Variants in TENM3 observed in about 807,000 individuals in gnomAD.
TENM3 encodes the protein teneurin transmembrane protein 3.
In TENM3, 63 loss-of-function variants were observed where a neutral mutation model predicts 255.1. That is an observed-to-expected ratio of 0.25 (90% CI 0.20 to 0.30). The LOEUF (loss-of-function observed/expected upper bound fraction) is 0.30, where lower values mean the gene tolerates loss of function less well. Ranked by LOEUF, TENM3 falls within the 10% of genes least tolerant of loss-of-function variation. TENM3 has a pLI of 1.00. For synonymous variants in TENM3, 1,306 were observed against 1,322.3 expected (o/e 0.99, Z 0.27); for missense variants, 2,929 against 3,461.1 (o/e 0.85, Z 3.86).
chr4:181,589,470 G>T, the TENM3 span, among the ~76,000 whole-genome samples: 3 of 152,076 alleles, frequency 2.0e-5, no homozygotes, highest in East Asian at 3.9e-4. Context: ...AAACAATTGT[G>T]GTTCAAAACA....
At chr4:182,257,809 A>G (rs1347521716) in intron 1 of TENM3, among the ~76,000 whole-genome samples, 2 of 152,204 alleles carry the variant, frequency 1.3e-5, no homozygotes, top group African/African-American at 2.4e-5. Flanking sequence ...TAAAGCCATT[A>G]TATAATAGAA....
chr4:182,399,026 T>C (rs1252247474), intron 3 of TENM3, among the ~76,000 whole-genome samples: 4 of 152,208 alleles, frequency 2.6e-5, no homozygotes, highest in African/African-American at 9.6e-5. Flanking sequence ...GGTCTTGTGA[T>C]GGATAAGTCT....
At chr4:181,741,763 T>C in the TENM3 span, among the ~76,000 whole-genome samples, 377 of 152,284 alleles carry the variant, frequency 2.5e-3, no homozygotes, top group Non-Finnish European at 3.0e-3. Flanking sequence ...ATTAATATAA[T>C]AGCCTATCAC....
chr4:182,359,033 A>T (rs7669887), intron 3 of TENM3, among the ~76,000 whole-genome samples: 1 of 150,506 alleles, frequency 6.6e-6, no homozygotes, highest in Admixed American at 6.6e-5. Context: ...ATTGATTTGC[A>T]TATATTGAAC....
chr4:181,664,437 TC>T, the TENM3 span, among the ~76,000 whole-genome samples: 2 of 149,288 alleles, frequency 1.3e-5, no homozygotes, highest in African/African-American at 5.0e-5. Flanking sequence ...ACCACTGCAC[TC>T]CAGCCTGGGC....
chr4:182,420,454 G>A (rs575656734), intron 3 of TENM3, among the ~76,000 whole-genome samples: 25 of 152,086 alleles, frequency 1.6e-4, no homozygotes, highest in Non-Finnish European at 3.4e-4. Flanking sequence ...TATTTTTGCC[G>A]CATACGGACA....
chr4:181,451,481 T>C, the TENM3 span, among the ~76,000 whole-genome samples: 1 of 152,074 alleles, frequency 6.6e-6, no homozygotes, highest in Non-Finnish European at 1.5e-5. Flanking sequence ...ATCACACTGG[T>C]TGATGCGTGG....
intron 4 of TENM3, among the ~76,000 whole-genome samples, chr4:182,616,118 C>G (rs954989102): frequency 2.0e-5 from 3 of 152,158 alleles, no homozygotes; most frequent in Non-Finnish European, 4.4e-5. Flanking sequence ...AATGGTCTCT[C>G]AGTTGCATTT....
At chr4:181,841,020 G>T in the TENM3 span, among the ~76,000 whole-genome samples, 2 of 152,074 alleles carry the variant, frequency 1.3e-5, no homozygotes, top group Non-Finnish European at 2.9e-5. Context: ...TCAATGCTTT[G>T]TAGGTTAATA....
At chr4:182,658,132 G>C (rs975311148) in intron 6 of TENM3, among the ~76,000 whole-genome samples, 1 of 152,130 alleles carries the variant, frequency 6.6e-6, no homozygotes, top group African/African-American at 2.4e-5. Flanking sequence ...CCATTGCTTT[G>C]TCAGTAGCAC....
At chr4:182,246,862 G>A (rs1757687762) in intron 1 of TENM3, among the ~76,000 whole-genome samples, 1 of 152,138 alleles carries the variant, frequency 6.6e-6, no homozygotes, top group Non-Finnish European at 1.5e-5. Context: ...AAGAAGATAA[G>A]TTCCGATAAT....
chr4:181,948,755 C>T, the TENM3 span, among the ~76,000 whole-genome samples: 1 of 152,108 alleles, frequency 6.6e-6, no homozygotes, highest in African/African-American at 2.4e-5. Flanking sequence ...GAACTAGATT[C>T]TCTGGTGGCT....
intron 3 of TENM3, among the ~76,000 whole-genome samples, chr4:182,418,589 C>T (rs567267503): frequency 1.3e-5 from 2 of 151,904 alleles, no homozygotes; most frequent in African/African-American, 4.8e-5. Flanking sequence ...TGAGACGGGC[C>T]TCACCCTGTT....
At chr4:182,010,211 C>T in the TENM3 span, among the ~76,000 whole-genome samples, 74 of 152,286 alleles carry the variant, frequency 4.9e-4, 2 homozygotes, top group East Asian at 0.014. Context: ...TATAATGAAG[C>T]ATTACTTTGT....
chr4:182,781,772 T>C (rs1366018252), intron 24 of TENM3, among the ~76,000 whole-genome samples: 1 of 148,938 alleles, frequency 6.7e-6, no homozygotes, highest in African/African-American at 2.5e-5. Flanking sequence ...TTCTTCCTGG[T>C]TTAGTCTTGG....
intron 6 of TENM3, among the ~76,000 whole-genome samples, chr4:182,672,271 A>T (rs1755284865): frequency 1.3e-5 from 2 of 152,142 alleles, no homozygotes; most frequent in African/African-American, 4.8e-5. Flanking sequence ...ATCCAGGGAG[A>T]AAAGAGGTTT....
the TENM3 span, among the ~76,000 whole-genome samples, chr4:181,519,143 C>A: frequency 2.0e-5 from 3 of 152,146 alleles, no homozygotes; most frequent in African/African-American, 7.2e-5. Context: ...GCAAGCACAT[C>A]CAGTGGAAAA....
the TENM3 span, among the ~76,000 whole-genome samples, chr4:181,638,852 C>T: frequency 1.3e-5 from 2 of 152,006 alleles, no homozygotes; most frequent in East Asian, 3.9e-4. Flanking sequence ...TGAAAAAGGG[C>T]AATTAGCTTC....
intron 1 of TENM3, among the ~76,000 whole-genome samples, chr4:182,199,720 CT>C (rs367906246): frequency 3.7e-3 from 384 of 104,822 alleles, no homozygotes; most frequent in African/African-American, 0.011. Context: ...AACATCATTG[CT>C]TTTTTTTTTT....
Sources: gnomAD v4.1 joint callset for allele counts (sites outside exome capture counted in the v4.1 genomes callset) on GRCh38, gnomAD v4.1.1 for gene constraint, MANE v1.5 for transcripts, NCBI Gene and HGNC (gene_info 2026-07-23, HGNC 2026-07-21) for gene names.